The following OLA1 variants were observed in gnomAD, a reference collection of about 807,000 sequenced individuals.
OLA1 encodes obg-like ATPase 1.
In OLA1, 14 loss-of-function variants were observed where a neutral mutation model predicts 48.4. The observed-to-expected ratio is 0.29, with a 90% CI of 0.19 to 0.45. The LOEUF (loss-of-function observed/expected upper bound fraction) is 0.45. Ranked by LOEUF, OLA1 falls within the 20% of genes least tolerant of loss-of-function variation. The pLI, the probability that OLA1 is intolerant of heterozygous loss-of-function variation, is 1.00. For missense variants in OLA1, 325 were observed against 467.1 expected (o/e 0.70, Z 2.80); for synonymous variants, 127 against 150.4 (o/e 0.84, Z 1.14).
intron 4 of OLA1, among the ~76,000 whole-genome samples, chr2:174,212,583 A>C (rs987276039): frequency 3.1e-4 from 47 of 152,346 alleles, no homozygotes; most frequent in African/African-American, 9.1e-4. Context: ...TAATTTTTTT[A>C]ACGTTTGGAC....
intron 3 of OLA1, among the ~76,000 whole-genome samples, chr2:174,225,836 C>T (rs11691915): frequency 0.37 from 55,608 of 151,782 alleles, 10,860 homozygotes; most frequent in East Asian, 0.78. Context: ...CTAGGCTTCA[C>T]GTTTCTTTTT....
chr2:174,112,030 T>A (rs1004499891), intron 7 of OLA1, among the ~76,000 whole-genome samples: 1 of 152,204 alleles, frequency 6.6e-6, no homozygotes, highest in Non-Finnish European at 1.5e-5. Context: ...CAGTTGGCAT[T>A]TTCTAATTAG....
intron 4 of OLA1, among the ~76,000 whole-genome samples, chr2:174,157,147 T>G (rs1350610348): frequency 1.3e-5 from 2 of 152,180 alleles, no homozygotes; most frequent in African/African-American, 4.8e-5. Flanking sequence ...TATAAATAGT[T>G]AAAAAGATAC....
At chr2:174,192,034 G>T (rs1687788215) in intron 4 of OLA1, among the ~76,000 whole-genome samples, 1 of 152,034 alleles carries the variant, frequency 6.6e-6, no homozygotes, top group Non-Finnish European at 1.5e-5. Flanking sequence ...ACTTACTCCA[G>T]CTATTCTTTC....
chr2:174,166,123 A>T (rs1028982573), intron 4 of OLA1, among the ~76,000 whole-genome samples: 1 of 31,190 alleles, frequency 3.2e-5, no homozygotes, highest in Non-Finnish European at 5.8e-5. Flanking sequence ...AGACTCCATT[A>T]AAAAAAAAAA....
At chr2:174,116,962 T>C (rs1224024034) in intron 7 of OLA1, among the ~76,000 whole-genome samples, 1 of 152,182 alleles carries the variant, frequency 6.6e-6, no homozygotes, top group Non-Finnish European at 1.5e-5. Context: ...ACTGTACATA[T>C]TGTAACAATG....
At chr2:174,202,100 T>G (rs1688003257) in intron 4 of OLA1, among the ~76,000 whole-genome samples, 2 of 152,150 alleles carry the variant, frequency 1.3e-5, no homozygotes, top group South Asian at 4.2e-4. Context: ...ATGTTTACAG[T>G]TAGGTATGTC....
intron 7 of OLA1, among the ~76,000 whole-genome samples, chr2:174,100,702 T>C (rs1685372694): frequency 1.3e-5 from 2 of 152,190 alleles, no homozygotes; most frequent in South Asian, 4.1e-4. Context: ...AATTAACAAA[T>C]AATTAAAATG....
At chr2:174,186,439 C>T (rs542706286) in intron 4 of OLA1, among the ~76,000 whole-genome samples, 1 of 152,328 alleles carries the variant, frequency 6.6e-6, no homozygotes, top group Non-Finnish European at 1.5e-5. Context: ...TCTGTGACAG[C>T]TCACAGTCAA....
chr2:174,118,496 A>T lies in OLA1; in HGVS notation c.728+4684T>A, dbSNP rs115191001. Among the ~76,000 whole-genome samples the T allele has an allele frequency of 8.9e-3, 1,350 of 152,324 alleles. 23 individuals carry two copies. The highest frequency in any genetic ancestry group is 0.031 in the African/African-American group (1,270 of 41,562). ...CAAACTTTATATTTCATTTCCTAGA[A>T]CATAGATGTGTGTACATGTATAGAG... is the stretch of plus-strand genomic sequence containing the variant. On this transcript the variant is annotated intron_variant, in intron 7 of 10. Transcript: ENST00000284719.
intron 4 of OLA1, among the ~76,000 whole-genome samples, chr2:174,204,449 A>G (rs1688065798): frequency 1.3e-5 from 2 of 152,148 alleles, no homozygotes; most frequent in Admixed American, 1.3e-4. Context: ...TCAACATGGT[A>G]TTGTATAACA....
intron 2 of OLA1, among the ~76,000 whole-genome samples, chr2:174,232,335 G>A (rs1688747403): frequency 6.6e-6 from 1 of 152,044 alleles, no homozygotes; most frequent in East Asian, 1.9e-4. Flanking sequence ...CAAAACATGG[G>A]AAAAGAAGTA....
chr2:174,139,376 C>A (rs567753164), intron 5 of OLA1, among the ~76,000 whole-genome samples: 2 of 152,192 alleles, frequency 1.3e-5, no homozygotes, highest in African/African-American at 4.8e-5. Flanking sequence ...CCTGCCAACA[C>A]CCTGACTTCA....
chr2:174,140,179 T>C (rs1686411469), intron 5 of OLA1, among the ~76,000 whole-genome samples: 1 of 152,118 alleles, frequency 6.6e-6, no homozygotes, highest in South Asian at 2.1e-4. Flanking sequence ...GGTAAATACC[T>C]GGTAAACAAA....
At chr2:174,179,130 T>C (rs1474145899) in intron 4 of OLA1, among the ~76,000 whole-genome samples, 2 of 151,942 alleles carry the variant, frequency 1.3e-5, no homozygotes, top group African/African-American at 4.8e-5. Flanking sequence ...GAAAATTATA[T>C]GCATATGCAT....
At chr2:174,105,941 C>T (rs1262538432) in intron 7 of OLA1, among the ~76,000 whole-genome samples, 3 of 152,024 alleles carry the variant, frequency 2.0e-5, no homozygotes, top group Non-Finnish European at 4.4e-5. Context: ...TAGGTACATA[C>T]ACACACAACT....
chr2:174,196,493 C>T (rs1454261495), intron 4 of OLA1, among the ~76,000 whole-genome samples: 1 of 152,056 alleles, frequency 6.6e-6, no homozygotes, highest in East Asian at 1.9e-4. Flanking sequence ...TAGTCAATAG[C>T]TGCACACATT....
chr2:174,147,967 G>C (rs1290934696), intron 4 of OLA1, among the ~76,000 whole-genome samples: 1 of 152,184 alleles, frequency 6.6e-6, no homozygotes, highest in African/African-American at 2.4e-5. Flanking sequence ...GGGATTTCAG[G>C]TGCGTGCCAC....
intron 4 of OLA1, among the ~76,000 whole-genome samples, chr2:174,214,403 G>C (rs561952387): frequency 6.6e-6 from 1 of 152,286 alleles, no homozygotes; most frequent in East Asian, 1.9e-4. Context: ...ATAATTGTAA[G>C]TTGCACTTAG....
Sources: gnomAD v4.1 joint callset for allele counts (sites outside exome capture counted in the v4.1 genomes callset) on GRCh38, gnomAD v4.1.1 for gene constraint, MANE v1.5 for transcripts, NCBI Gene and HGNC (gene_info 2026-07-23, HGNC 2026-07-21) for gene names.